Variants in GSE1 observed in about 807,000 individuals in gnomAD.
The protein encoded by GSE1 is Gse1 coiled-coil protein.
A neutral mutation model predicts 112.6 loss-of-function variants in GSE1; 32 were observed. That is an observed-to-expected ratio of 0.28 (90% confidence interval 0.21 to 0.38). The LOEUF (loss-of-function observed/expected upper bound fraction) is 0.38. GSE1 is among the 10% of genes least tolerant of loss of function. The pLI is 1.00. For synonymous variants in GSE1, 1,115 were observed against 735.6 expected (o/e 1.52, Z -8.35); for missense variants, 2,348 against 1,699.2 (o/e 1.38, Z -6.71).
intron 1 of GSE1, among the ~76,000 whole-genome samples, chr16:85,328,380 A>G (rs1038796210): frequency 6.6e-6 from 1 of 152,170 alleles, no homozygotes; most frequent in Non-Finnish European, 1.5e-5. Context: ...TCGGGGCTGC[A>G]GGAAGAGCCG....
rs562509551 is a variant in GSE1 at position 85,605,407 on chromosome 16, C to T, written c.38-43145C>T. 6.0e-4 allele frequency among the ~76,000 whole-genome samples: 92 copies of T among 152,188 alleles called. 2 individuals are homozygous for T. The highest frequency in any genetic ancestry group is 3.9e-4 in the Admixed American group (6 of 15,298). Reference sequence around the variant, plus strand: ...GGTCTGGCGCCGAGAAGTGCTTCCTCGTAAAACTTTATTTGTCTGTGCTGC... The same window carrying T: ...GGTCTGGCGCCGAGAAGTGCTTCCTTGTAAAACTTTATTTGTCTGTGCTGC... On this transcript the variant is annotated intron_variant, in intron 1 of 2. Transcript: ENST00000635906.
At chr16:85,170,625 T>C in exon 1 of GSE1, 1 of 985,358 alleles carries the variant, frequency 1.0e-6, no homozygotes, top group Non-Finnish European at 1.2e-6. Context: ...CAGAAGGCCT[T>C]TGCTGCTACA....
chr16:85,192,915 C>T (rs188470676), intron 1 of GSE1, among the ~76,000 whole-genome samples: 216 of 152,248 alleles, frequency 1.4e-3, no homozygotes, highest in African/African-American at 5.0e-3. Flanking sequence ...CAAGAGTGAC[C>T]CCTGTTCTTG....
chr16:85,370,103 A>G (rs2047263894), intron 2 of GSE1, among the ~76,000 whole-genome samples: 2 of 152,164 alleles, frequency 1.3e-5, no homozygotes, highest in South Asian at 2.1e-4. Context: ...TACTGGCCGG[A>G]CCCAGGAGGT....
At chr16:85,270,801 C>T (rs536361999) in intron 1 of GSE1, among the ~76,000 whole-genome samples, 14 of 152,250 alleles carry the variant, frequency 9.2e-5, no homozygotes, top group Admixed American at 7.2e-4. Flanking sequence ...GCCATCCACT[C>T]GGGAAAGAGC....
At chr16:85,291,387 T>C (rs955842863) in intron 1 of GSE1, among the ~76,000 whole-genome samples, 3 of 152,188 alleles carry the variant, frequency 2.0e-5, no homozygotes, top group Non-Finnish European at 4.4e-5. Context: ...GATTTTTTCC[T>C]TCCTGAATCC....
Position 85,527,825 on chromosome 16 carries a change from T to C in GSE1, c.2465-106089T>C, listed in dbSNP as rs114589851. On this transcript the variant is annotated intron_variant, in intron 2 of 2. Transcript: ENST00000637419. ...AGGAGTGACCGTCGAAGGAGGGGGATTAACTGGTGGAATGGGAACAGAGTC... is the reference window on the plus strand; with the variant it reads ...AGGAGTGACCGTCGAAGGAGGGGGACTAACTGGTGGAATGGGAACAGAGTC... 5.1e-3 allele frequency among the ~76,000 whole-genome samples: 780 copies of C among 152,286 alleles called. 8 individuals are homozygous for C. The highest frequency in any genetic ancestry group is 0.018 in the African/African-American group (747 of 41,552).
intron 2 of GSE1, among the ~76,000 whole-genome samples, chr16:85,497,146 G>A (rs753967767): frequency 5.3e-5 from 8 of 152,158 alleles, no homozygotes; most frequent in Non-Finnish European, 1.2e-4. Flanking sequence ...TGATCCACCC[G>A]CCTCAGCCTC....
intron 2 of GSE1, among the ~76,000 whole-genome samples, chr16:85,642,686 C>T (rs575795401): frequency 3.3e-5 from 5 of 152,376 alleles, no homozygotes; most frequent in South Asian, 4.1e-4. Flanking sequence ...TAGGGAAGCA[C>T]GTCCGGTAGT....
At chr16:85,354,904 G>A (rs1294204187) in intron 1 of GSE1, among the ~76,000 whole-genome samples, 1 of 152,218 alleles carries the variant, frequency 6.6e-6, no homozygotes, top group Non-Finnish European at 1.5e-5. Flanking sequence ...AACCACCTTG[G>A]TACAGGCCCC....
chr16:85,487,204 C>T (rs1350056047), intron 2 of GSE1, among the ~76,000 whole-genome samples: 2 of 152,182 alleles, frequency 1.3e-5, no homozygotes, highest in African/African-American at 4.8e-5. Context: ...TAGCCTCTCA[C>T]TGGGTGTCAC....
chr16:85,439,907 GATAC>G (rs1215071655), intron 2 of GSE1, among the ~76,000 whole-genome samples: 1 of 152,118 alleles, frequency 6.6e-6, no homozygotes, highest in Non-Finnish European at 1.5e-5. Flanking sequence ...CACACCCACA[GATAC>G]ATACATGCAT....
intron 1 of GSE1, among the ~76,000 whole-genome samples, chr16:85,615,032 C>G (rs145195041): frequency 6.6e-6 from 1 of 152,248 alleles, no homozygotes; most frequent in African/African-American, 2.4e-5. Flanking sequence ...GGATTCCGTG[C>G]TCCCGCCTCC....
chr16:85,630,568 C>A (rs2049458360), intron 1 of GSE1, among the ~76,000 whole-genome samples: 1 of 152,244 alleles, frequency 6.6e-6, no homozygotes, highest in Non-Finnish European at 1.5e-5. Flanking sequence ...CCTCCCACCT[C>A]ACCCTCCTAC....
chr16:85,379,764 GC>G (rs1489061527), intron 2 of GSE1, among the ~76,000 whole-genome samples: 1 of 152,222 alleles, frequency 6.6e-6, no homozygotes, highest in Non-Finnish European at 1.5e-5. Context: ...TGGATCCTGG[GC>G]CCTGCCAGAG....
At chr16:85,374,452 T>A (rs2047373011) in intron 2 of GSE1, among the ~76,000 whole-genome samples, 1 of 151,994 alleles carries the variant, frequency 6.6e-6, no homozygotes, top group African/African-American at 2.4e-5. Flanking sequence ...TGTGTCCATG[T>A]GCATTTTTGT....
intron 2 of GSE1, among the ~76,000 whole-genome samples, chr16:85,398,206 G>A (rs544503667): frequency 6.6e-6 from 1 of 152,312 alleles, no homozygotes; most frequent in African/African-American, 2.4e-5. Context: ...GGATGGTTGT[G>A]AGCACTGGGT....
rs140067991 is a variant in GSE1 at position 85,421,381 on chromosome 16, G to A, written c.2464+63738G>A. ...CCACACCCTCTGGACACTCAGCACC[G>A]GGAGATGCACCCCAGAAAAGAGCAC... On this transcript the variant is annotated intron_variant, in intron 2 of 2. Transcript: ENST00000637419. 1.2e-4 allele frequency among the ~76,000 whole-genome samples: 19 copies of A among 152,210 alleles called. No individual in the cohort carries two copies. In the East Asian group the frequency reaches 1.4e-3, roughly 11 times the overall value.
chr16:85,650,206 G>C (rs1442755595), intron 3 of GSE1, among the ~76,000 whole-genome samples: 3 of 152,196 alleles, frequency 2.0e-5, no homozygotes, highest in Non-Finnish European at 4.4e-5. Flanking sequence ...GCTTGGAGCA[G>C]CCCAAGGCGG....
Sources: gnomAD v4.1 joint callset for allele counts (sites outside exome capture counted in the v4.1 genomes callset) on GRCh38, gnomAD v4.1.1 for gene constraint, MANE v1.5 for transcripts, NCBI Gene and HGNC (gene_info 2026-07-23, HGNC 2026-07-21) for gene names.